HSF2BP: variants seen among roughly 807,000 people sequenced by gnomAD.
The protein encoded by HSF2BP is heat shock transcription factor 2 binding protein.
Under a neutral mutation model 35.0 loss-of-function variants are expected in HSF2BP, and 35 were observed. That is an observed-to-expected ratio of 1.00 (90% CI 0.76 to 1.32). HSF2BP has a LOEUF of 1.32. Ranked by LOEUF, HSF2BP falls within the 40% of genes most tolerant of loss-of-function variation. HSF2BP has a pLI of 0.00. For missense variants in HSF2BP, 326 were observed against 321.7 expected (o/e 1.01, Z -0.10); for synonymous variants, 114 against 117.4 (o/e 0.97, Z 0.18).
At chr21:43,625,476 G>C (rs751094961) in intron 6 of HSF2BP, among the ~76,000 whole-genome samples, 2 of 152,038 alleles carry the variant, frequency 1.3e-5, no homozygotes, top group African/African-American at 2.4e-5. Context: ...CTGGGGGAAG[G>C]AATTAGTTCC....
intron 6 of HSF2BP, among the ~76,000 whole-genome samples, chr21:43,617,099 G>C (rs2082281158): frequency 6.6e-6 from 1 of 152,096 alleles, no homozygotes; most frequent in Non-Finnish European, 1.5e-5. Flanking sequence ...GAGAGCAGAA[G>C]CAGCAAACTG....
chr21:43,639,359 G>T (rs1007056931), intron 4 of HSF2BP, among the ~76,000 whole-genome samples: 2 of 152,140 alleles, frequency 1.3e-5, no homozygotes, highest in African/African-American at 4.8e-5. Context: ...AAGATGAAAA[G>T]AGCAGCTACA....
chr21:43,618,330 T>G (rs771237302), intron 6 of HSF2BP, among the ~76,000 whole-genome samples: 1 of 152,204 alleles, frequency 6.6e-6, no homozygotes, highest in Non-Finnish European at 1.5e-5. Flanking sequence ...GTACTATGTC[T>G]GATACTTTTG....
intron 6 of HSF2BP, among the ~76,000 whole-genome samples, chr21:43,626,869 T>G (rs141080658): frequency 2.5e-5 from 1 of 40,326 alleles, no homozygotes; most frequent in African/African-American, 8.3e-5. Flanking sequence ...ACCAAGAAAT[T>G]TTTTTTTTTT....
At chr21:43,656,216 T>C (rs976951649) in intron 3 of HSF2BP, among the ~76,000 whole-genome samples, 3 of 152,202 alleles carry the variant, frequency 2.0e-5, no homozygotes, top group African/African-American at 7.2e-5. Context: ...CTTCCAGCTA[T>C]CTCTACTGAC....
the HSF2BP span, among the ~76,000 whole-genome samples, chr21:43,500,100 C>CACCACACAT: frequency 1.2e-4 from 4 of 32,864 alleles, no homozygotes; most frequent in African/African-American, 6.5e-4. Context: ...TACATGCACA[C>CACCACACAT]ACCACACACT....
intron 6 of HSF2BP, among the ~76,000 whole-genome samples, chr21:43,624,535 G>A (rs1002501966): frequency 5.3e-5 from 8 of 152,272 alleles, no homozygotes; most frequent in Middle Eastern, 3.4e-3. Context: ...GTGTGGAGGA[G>A]GAGGGATTGG....
At chr21:43,652,765 T>C (rs189295703) in intron 3 of HSF2BP, among the ~76,000 whole-genome samples, 2 of 152,320 alleles carry the variant, frequency 1.3e-5, no homozygotes, top group Admixed American at 1.3e-4. Flanking sequence ...CCCAGCCCAA[T>C]CTGATCCTTC....
chr21:43,582,221 C>T, intron 8 of HSF2BP, among the ~76,000 whole-genome samples: 1 of 117,790 alleles, frequency 8.5e-6, no homozygotes, highest in Non-Finnish European at 1.7e-5. Flanking sequence ...GGGATGAGGG[C>T]CTGCTGTGGG....
At chr21:43,643,847 C>G (rs192755078) in intron 4 of HSF2BP, among the ~76,000 whole-genome samples, 1 of 151,592 alleles carries the variant, frequency 6.6e-6, no homozygotes, top group Non-Finnish European at 1.5e-5. Context: ...CCCATCTACT[C>G]GGGAGGCTGA....
intron 7 of HSF2BP, among the ~76,000 whole-genome samples, chr21:43,608,189 C>T (rs529935976): frequency 2.6e-5 from 4 of 151,666 alleles, no homozygotes; most frequent in South Asian, 2.1e-4. Flanking sequence ...TATTCGCAAA[C>T]TATGGATCCA....
intron 5 of HSF2BP, among the ~76,000 whole-genome samples, chr21:43,632,199 CCACA>C (rs1438459002): frequency 9.9e-6 from 1 of 101,508 alleles, no homozygotes; most frequent in Non-Finnish European, 1.9e-5. Flanking sequence ...ACATGCTCCC[CCACA>C]CAAACACACA....
intron 4 of HSF2BP, among the ~76,000 whole-genome samples, chr21:43,637,092 C>T (rs1465890775): frequency 6.6e-6 from 1 of 151,852 alleles, no homozygotes; most frequent in African/African-American, 2.4e-5. Context: ...AGTTCGAGAC[C>T]AGCCTGGCCA....
chr21:43,634,563 A>G (rs1273205594), intron 4 of HSF2BP, among the ~76,000 whole-genome samples: 1 of 152,186 alleles, frequency 6.6e-6, no homozygotes, highest in African/African-American at 2.4e-5. Flanking sequence ...CCCCTGGAGG[A>G]AAAAGGGAGC....
intron 4 of HSF2BP, 96 bp downstream of exon 4, chr21:43,644,193 G>A: frequency 1.3e-6 from 1 of 794,790 alleles, no homozygotes; most frequent in Non-Finnish European, 2.2e-6. Context: ...TGAGGATTAA[G>A]AGTAAAAAAT....
chr21:43,647,894 G>C (rs143674842), intron 3 of HSF2BP, among the ~76,000 whole-genome samples: 4 of 144,524 alleles, frequency 2.8e-5, no homozygotes, highest in Admixed American at 7.2e-5. Flanking sequence ...ACGCCAGTGC[G>C]CTCCAGCCTG....
intron 4 of HSF2BP, among the ~76,000 whole-genome samples, chr21:43,642,830 C>T (rs1422778854): frequency 3.0e-4 from 41 of 136,834 alleles, no homozygotes; most frequent in African/African-American, 1.0e-3. Flanking sequence ...GACAGAGTCT[C>T]GCTCTGTTGC....
At chr21:43,653,033 A>C (rs1289539493) in intron 3 of HSF2BP, among the ~76,000 whole-genome samples, 2 of 151,800 alleles carry the variant, frequency 1.3e-5, no homozygotes. Flanking sequence ...TACTCGGGAG[A>C]CTGAGGCAAG....
the HSF2BP span, among the ~76,000 whole-genome samples, chr21:43,467,452 CG>C: frequency 1.0e-5 from 1 of 98,006 alleles, no homozygotes; most frequent in East Asian, 2.8e-4. Context: ...GGATGACCTG[CG>C]GAAGTACTTG....
Sources: gnomAD v4.1 joint callset for allele counts (sites outside exome capture counted in the v4.1 genomes callset) on GRCh38, gnomAD v4.1.1 for gene constraint, MANE v1.5 for transcripts, NCBI Gene and HGNC (gene_info 2026-07-23, HGNC 2026-07-21) for gene names.